NDST3: variants seen among roughly 807,000 people sequenced by gnomAD.
The protein encoded by NDST3 is bifunctional heparan sulfate N-deacetylase/N-sulfotransferase 3.
NDST3 carries 58 observed loss-of-function variants against 96.1 expected under a neutral mutation model. The ratio of observed to expected loss-of-function variants is 0.60; its 90% CI spans 0.49 to 0.75. The LOEUF (loss-of-function observed/expected upper bound fraction) is 0.75, where lower values mean the gene tolerates loss of function less well. NDST3 is among the 30% of genes least tolerant of loss of function. The pLI is 0.00. For missense variants in NDST3, 788 were observed against 1,034.2 expected (o/e 0.76, Z 3.27); for synonymous variants, 333 against 359.7 (o/e 0.93, Z 0.84).
At chr4:118,226,446 C>A (rs1169739248) in intron 7 of NDST3, among the ~76,000 whole-genome samples, 1 of 152,114 alleles carries the variant, frequency 6.6e-6, no homozygotes, top group East Asian at 1.9e-4. Flanking sequence ...TTGGCCAGAT[C>A]CCTATCCCTT....
At chr4:118,251,611 A>G (rs933871813) in intron 12 of NDST3, among the ~76,000 whole-genome samples, 1 of 152,272 alleles carries the variant, frequency 6.6e-6, no homozygotes, top group Middle Eastern at 3.4e-3. Flanking sequence ...GTAGATGTGT[A>G]GATTTATTTC....
rs1163529149 is a variant in NDST3 at position 118,240,666 on chromosome 4, G to A, written c.2261G>A (p.Arg754Lys). ...GGGTGGTATGCCAGCCACATCGAGAGATGGCTTGTTTATTTCCCCCCATTT... is the reference window on the plus strand; with the variant it reads ...GGGTGGTATGCCAGCCACATCGAGAAATGGCTTGTTTATTTCCCCCCATTT... Reference protein sequence around the residue: ...VPGWYASHIERWLVYFPPFQL... With the variant: ...VPGWYASHIEKWLVYFPPFQL... Residue 754 changes from arginine (R) to lysine (K), a missense_variant, in exon 11 of 14, where the codon AGA (arginine) becomes AAA (lysine). Physicochemically the swap from Arg to Lys is conservative, Grantham distance 26 (BLOSUM62 2). Around this residue, in one of 3 missense-constraint regions of NDST3, gnomAD observed 490 missense variants for 708.8 expected, o/e 0.69. Transcript: ENST00000296499. 6.2e-7 allele frequency: 1 copy of A among 1,613,680 alleles called. No individual in the cohort carries two copies. Among genetic ancestry groups the A allele is most frequent in the East Asian group, 2.2e-5 (1 of 44,860 alleles).
chr4:118,190,902 A>C (rs35789417), intron 6 of NDST3, among the ~76,000 whole-genome samples: 41,933 of 152,130 alleles, frequency 0.28, 7,413 homozygotes, highest in Middle Eastern at 0.43. Context: ...ATTTTAAAAC[A>C]AGTTTTATTT....
chr4:118,225,409 T>C (rs1415521525), intron 7 of NDST3, among the ~76,000 whole-genome samples: 1 of 152,200 alleles, frequency 6.6e-6, no homozygotes. Flanking sequence ...GCACTTGACA[T>C]GTGTTAACTC....
At chr4:118,250,185 T>A (rs1232640199) in intron 12 of NDST3, among the ~76,000 whole-genome samples, 1 of 152,246 alleles carries the variant, frequency 6.6e-6, no homozygotes, top group Admixed American at 6.5e-5. Flanking sequence ...GACATACATT[T>A]GCATTGCATT....
chr4:118,244,607 C>G (rs1336944130), intron 12 of NDST3, among the ~76,000 whole-genome samples: 2 of 152,030 alleles, frequency 1.3e-5, no homozygotes, highest in Non-Finnish European at 2.9e-5. Context: ...ATGAATGAAG[C>G]AAGGTCTATA....
chr4:118,178,812 G>T (rs1164926391), intron 6 of NDST3, among the ~76,000 whole-genome samples: 3 of 151,958 alleles, frequency 2.0e-5, no homozygotes, highest in African/African-American at 7.2e-5. Flanking sequence ...AGTGCACAGG[G>T]ATTCCAACTT....
chr4:118,250,764 G>C (rs560905655), intron 12 of NDST3, among the ~76,000 whole-genome samples: 5 of 152,094 alleles, frequency 3.3e-5, no homozygotes, highest in African/African-American at 9.7e-5. Flanking sequence ...GATTATAGGC[G>C]TCAGCCATTG....
upstream of NDST3, chr4:118,034,268 A>G (rs1229712469): frequency 4.6e-5 from 7 of 152,196 alleles, no homozygotes; most frequent in African/African-American, 1.7e-4. Flanking sequence ...GAACGTTACA[A>G]GTTTGCTGTT....
chr4:118,087,047 GT>G (rs369377930), intron 2 of NDST3, among the ~76,000 whole-genome samples: 34 of 151,488 alleles, frequency 2.2e-4, no homozygotes, highest in African/African-American at 7.3e-4. Context: ...GATATTTTTA[GT>G]TTTTTTTTGT....
chr4:118,062,877 T>C (rs1726009355), intron 2 of NDST3, among the ~76,000 whole-genome samples: 1 of 152,034 alleles, frequency 6.6e-6, no homozygotes. Flanking sequence ...GGATACTTGG[T>C]GACTGATTAC....
intron 4 of NDST3, among the ~76,000 whole-genome samples, chr4:118,118,094 T>G: frequency 6.6e-6 from 1 of 152,202 alleles, no homozygotes; most frequent in Middle Eastern, 3.2e-3. Context: ...TCCACTTTAA[T>G]TCAATGAAAA....
chr4:118,175,182 T>A (rs975188284), intron 6 of NDST3, among the ~76,000 whole-genome samples: 1 of 152,072 alleles, frequency 6.6e-6, no homozygotes. Flanking sequence ...ACCTAGAGAT[T>A]TTTTCCAACA....
At chr4:118,219,823 C>T (rs1417287422) in intron 6 of NDST3, among the ~76,000 whole-genome samples, 1 of 151,992 alleles carries the variant, frequency 6.6e-6, no homozygotes, top group African/African-American at 2.4e-5. Flanking sequence ...AAGGAAAAAA[C>T]AAACATCATC....
rs536241092 is a variant in NDST3, at chr4:118,062,636, A to T, written c.981+7745A>T. ...ACAGTTATTTTAAGGAAATAATTTT[A>T]TAATTTAACATGGCGAAATCATAAA... On this transcript the variant is annotated intron_variant, in intron 2 of 13. Transcript: ENST00000296499. Among the ~76,000 whole-genome samples, 10 of 152,102 alleles carry T rather than the reference A, an allele frequency of 6.6e-5. No individual in the cohort carries two copies. In the South Asian group the frequency reaches 1.0e-3, roughly 16 times the overall value.
chr4:118,241,828 T>C (rs1291676546), intron 11 of NDST3, among the ~76,000 whole-genome samples: 4 of 152,230 alleles, frequency 2.6e-5, no homozygotes, highest in Non-Finnish European at 5.9e-5. Flanking sequence ...TAGTGTGACT[T>C]CTCAGACTGC....
intron 2 of NDST3, among the ~76,000 whole-genome samples, chr4:118,062,699 A>G (rs1725994324): frequency 6.6e-6 from 1 of 152,138 alleles, no homozygotes; most frequent in Non-Finnish European, 1.5e-5. Context: ...CATATTCATA[A>G]TCTATTTACT....
chr4:118,252,973 A>C (rs927615350), intron 12 of NDST3, among the ~76,000 whole-genome samples: 1 of 152,196 alleles, frequency 6.6e-6, no homozygotes, highest in African/African-American at 2.4e-5. Flanking sequence ...AGAAGAAAGT[A>C]GCTCTGAAAA....
chr4:118,200,383 C>T (rs1298619825), intron 6 of NDST3, among the ~76,000 whole-genome samples: 1 of 152,158 alleles, frequency 6.6e-6, no homozygotes, highest in Non-Finnish European at 1.5e-5. Flanking sequence ...TCCCTTTAGG[C>T]TCAAGGGCTC....
Sources: gnomAD v4.1 joint callset for allele counts (sites outside exome capture counted in the v4.1 genomes callset) on GRCh38, gnomAD v4.1.1 for gene constraint, gnomAD v4.1.1 regional missense constraint, MANE v1.5 for transcripts, NCBI Gene and HGNC (gene_info 2026-07-23, HGNC 2026-07-21) for gene names.